ANKH: variants seen among roughly 807,000 people sequenced by gnomAD.
ANKH encodes the protein ANKH inorganic pyrophosphate transport regulator.
A neutral mutation model predicts 49.0 loss-of-function variants in ANKH; 15 were observed. The observed-to-expected ratio is 0.31, with a 90% CI of 0.20 to 0.47. The LOEUF (loss-of-function observed/expected upper bound fraction) is 0.47. ANKH is among the 20% of genes least tolerant of loss of function. The pLI is 1.00. For synonymous variants in ANKH, 273 were observed against 260.0 expected, an observed-to-expected ratio of 1.05 and a Z score of -0.48; for missense variants, 429 against 652.0, an observed-to-expected ratio of 0.66 and a Z score of 3.72.
At chr5:14,858,110 A>C (rs1461066757) in intron 1 of ANKH, among the ~76,000 whole-genome samples, 1 of 152,246 alleles carries the variant, frequency 6.6e-6, no homozygotes, top group East Asian at 1.9e-4. Flanking sequence ...AGGAGCATTA[A>C]TCATCACATT....
Position 14,854,468 on chromosome 5 carries a change from C to T in ANKH, c.96+16884G>A, listed in dbSNP as rs1007396631. ...GTCGAGGCAGAAGGATCTCTTGGGC[C>T]TAAGAGTTTGAGACTAGCCTGGACA... On this transcript the variant is annotated intron_variant, in intron 1 of 11. Transcript: ENST00000284268. Among the ~76,000 whole-genome samples, 10 of 152,092 alleles carry T rather than the reference C, an allele frequency of 6.6e-5. 1 individual carries two copies. Among genetic ancestry groups the T allele is most frequent in the Non-Finnish European group, 1.5e-5 (1 of 68,022 alleles).
intron 1 of ANKH, among the ~76,000 whole-genome samples, chr5:14,811,654 T>C (rs1679838792): frequency 6.6e-6 from 1 of 152,244 alleles, no homozygotes; most frequent in South Asian, 2.1e-4. Flanking sequence ...TTTTAACATA[T>C]TTCAATTTCA....
At chr5:14,763,530 G>T (rs753208534) in intron 2 of ANKH, among the ~76,000 whole-genome samples, 1 of 152,206 alleles carries the variant, frequency 6.6e-6, no homozygotes, top group Non-Finnish European at 1.5e-5. Flanking sequence ...TGTCCAATGT[G>T]GGGGATAGGG....
chr5:14,771,926 A>G (rs1265669989), intron 1 of ANKH, among the ~76,000 whole-genome samples: 2 of 132,936 alleles, frequency 1.5e-5, no homozygotes, highest in Admixed American at 7.5e-5. Context: ...AAAAAGAAAA[A>G]AAAAAAAAAA....
chr5:14,758,922 C>T (rs1738987142), intron 2 of ANKH, among the ~76,000 whole-genome samples: 1 of 152,140 alleles, frequency 6.6e-6, no homozygotes, highest in Non-Finnish European at 1.5e-5. Context: ...CTTTGAATTC[C>T]CTTCAATGAA....
intron 3 of ANKH, among the ~76,000 whole-genome samples, chr5:14,756,305 C>T (rs975898497): frequency 2.0e-5 from 3 of 152,306 alleles, no homozygotes; most frequent in East Asian, 1.9e-4. Context: ...ATCCTTCCCA[C>T]GTGATGCAGA....
rs191579558 is a variant in ANKH at position 14,748,425 on chromosome 5, G to A, written c.822+747C>T. 5.1e-4 allele frequency among the ~76,000 whole-genome samples: 77 copies of A among 152,356 alleles called. 1 individual carries two copies. The highest frequency in any genetic ancestry group is 1.7e-3 in the African/African-American group (72 of 41,582). On this transcript the variant is annotated intron_variant, in intron 6 of 11. Transcript: ENST00000284268. ...GGCAGTGCCTGGACAGGGGGCCCTC[G>A]TGGGCAGCCATGAGCCTTCCTTGGG...
intron 8 of ANKH, among the ~76,000 whole-genome samples, chr5:14,729,434 C>T (rs1309407111): frequency 5.9e-5 from 9 of 151,560 alleles, no homozygotes; most frequent in South Asian, 2.1e-4. Context: ...GTAATCTGCC[C>T]GCCTCGGCCT....
chr5:14,731,039 G>A (rs1014629839), intron 8 of ANKH, among the ~76,000 whole-genome samples: 1 of 152,244 alleles, frequency 6.6e-6, no homozygotes, highest in Non-Finnish European at 1.5e-5. Context: ...CCAAGGCAAA[G>A]CACAGAGCGA....
chr5:14,759,075 A>C (rs979932570), intron 2 of ANKH, among the ~76,000 whole-genome samples: 2 of 152,228 alleles, frequency 1.3e-5, no homozygotes, highest in African/African-American at 4.8e-5. Context: ...CATATTCTTA[A>C]CTATGTACTA....
chr5:14,759,137 C>T (rs4702049), intron 2 of ANKH, among the ~76,000 whole-genome samples: 58,536 of 152,054 alleles, frequency 0.38, 11,490 homozygotes, highest in Admixed American at 0.48. Context: ...TTAAAGCTAG[C>T]TTTTTCACAC....
rs1425538402 is a variant in ANKH at position 14,713,992 on chromosome 5, C to T, written c.1142-325G>A. On this transcript the variant is annotated intron_variant, in intron 9 of 11. Transcript: ENST00000284268. The surrounding 1 kb of genome is among the most constrained non-coding windows in gnomAD (Gnocchi z 4.4). Reference sequence around the variant, plus strand: ...GTCCCCACACTTGGCCAGCCTCGCCCTCTGATCATCTACCTCTAGAAGAGA... The same window carrying T: ...GTCCCCACACTTGGCCAGCCTCGCCTTCTGATCATCTACCTCTAGAAGAGA... 1.3e-5 allele frequency among the ~76,000 whole-genome samples: 2 copies of T among 152,254 alleles called. No individual in the cohort carries two copies. Among genetic ancestry groups the T allele is most frequent in the African/African-American group, 4.8e-5 (2 of 41,472 alleles).
chr5:14,862,560 AT>A (rs1307388942), intron 1 of ANKH, among the ~76,000 whole-genome samples: 3 of 152,204 alleles, frequency 2.0e-5, no homozygotes, highest in African/African-American at 7.2e-5. Context: ...CCAGCAGAGC[AT>A]TTAGAGAGGT....
chr5:14,816,225 T>C (rs962400425), intron 1 of ANKH, among the ~76,000 whole-genome samples: 1 of 152,194 alleles, frequency 6.6e-6, no homozygotes, highest in African/African-American at 2.4e-5. Context: ...GTCATTGTCT[T>C]AGGACAGGAC....
At chr5:14,722,272 A>G (rs924110715) in intron 8 of ANKH, among the ~76,000 whole-genome samples, 1 of 152,184 alleles carries the variant, frequency 6.6e-6, no homozygotes, top group Non-Finnish European at 1.5e-5. Flanking sequence ...ATCTCCCACC[A>G]ATGAACAAGA....
Position 14,710,964 on chromosome 5 carries a change from G to GTTGT in ANKH, c.*229_*232dup. 1 of 521,008 alleles carries GTTGT rather than the reference G, an allele frequency of 1.9e-6. No homozygotes were observed. The highest frequency in any genetic ancestry group is 3.7e-5 in the East Asian group (1 of 27,220). 32.3% of individuals were successfully genotyped at this position (521,008 alleles called of 1,614,324 possible). On this transcript the variant is annotated 3_prime_UTR_variant, in exon 12 of 12. Transcript: ENST00000284268. ...TTCGTGAGGCAGGGGTATGAAGTCA[G>GTTGT]TTGTTTCGTTTGTTTTTACATAGCA...
chr5:14,852,270 A>T (rs1277089151), intron 1 of ANKH, among the ~76,000 whole-genome samples: 2 of 152,216 alleles, frequency 1.3e-5, no homozygotes, highest in African/African-American at 2.4e-5. Flanking sequence ...TGACAGTGAG[A>T]TCTTGTCTCT....
At chr5:14,755,722 C>G in intron 4 of ANKH, 139 bp downstream of exon 4, 1 of 741,462 alleles carries the variant, frequency 1.3e-6, no homozygotes, top group Non-Finnish European at 2.4e-6. Context: ...ATTGAGGTCT[C>G]TATGTGATGT....
At chr5:14,793,783 C>A (rs566804040) in intron 1 of ANKH, among the ~76,000 whole-genome samples, 1 of 152,160 alleles carries the variant, frequency 6.6e-6, no homozygotes. Context: ...GTAAGTGAGG[C>A]CCTGGCAGGA....
Sources: gnomAD v4.1 joint callset for allele counts (sites outside exome capture counted in the v4.1 genomes callset) on GRCh38, gnomAD v4.1.1 for gene constraint, Gnocchi (gnomAD v3.1) non-coding constraint, MANE v1.5 for transcripts, NCBI Gene and HGNC (gene_info 2026-07-23, HGNC 2026-07-21) for gene names.